Variants in DLG2 observed in about 807,000 individuals in gnomAD.
DLG2 encodes the protein disks large homolog 2.
In DLG2, 45 loss-of-function variants were observed where a neutral mutation model predicts 132.5. The ratio of observed to expected loss-of-function variants is 0.34; its 90% CI spans 0.27 to 0.44. The LOEUF (loss-of-function observed/expected upper bound fraction) is 0.44. Among genes scored for constraint, DLG2 ranks in the 20% least tolerant of loss-of-function variants. The pLI, the probability that DLG2 is intolerant of heterozygous loss-of-function variation, is 1.00. For synonymous variants in DLG2, 424 were observed against 419.6 expected (o/e 1.01, Z -0.13); for missense variants, 1,045 against 1,196.9 (o/e 0.87, Z 1.87).
chr11:84,082,747 C>A (rs1368542805), intron 10 of DLG2, among the ~76,000 whole-genome samples: 1 of 152,126 alleles, frequency 6.6e-6, no homozygotes, highest in African/African-American at 2.4e-5. Context: ...AATTTTGTCT[C>A]AGACACCTGT....
At chr11:84,638,879 A>T (rs931338958) in intron 6 of DLG2, among the ~76,000 whole-genome samples, 1 of 152,208 alleles carries the variant, frequency 6.6e-6, no homozygotes, top group Non-Finnish European at 1.5e-5. Flanking sequence ...GTAACAATTC[A>T]TACCTTCATT....
intron 5 of DLG2, among the ~76,000 whole-genome samples, chr11:85,124,679 C>G (rs1415911069): frequency 6.6e-6 from 1 of 152,210 alleles, no homozygotes; most frequent in East Asian, 1.9e-4. Flanking sequence ...ACAGGTCCCT[C>G]AGGTAGCTAT....
chr11:85,337,823 T>C (rs982188012), intron 3 of DLG2, among the ~76,000 whole-genome samples: 7 of 152,208 alleles, frequency 4.6e-5, no homozygotes, highest in African/African-American at 1.7e-4. Context: ...GAAGCATTGG[T>C]GTATTGAAGA....
intron 6 of DLG2, among the ~76,000 whole-genome samples, chr11:84,647,323 A>G (rs1194371836): frequency 6.6e-6 from 1 of 152,150 alleles, no homozygotes; most frequent in African/African-American, 2.4e-5. Context: ...CTCTAGACCT[A>G]TCGTTACAAT....
At chr11:84,499,588 C>T (rs1328880129) in intron 7 of DLG2, among the ~76,000 whole-genome samples, 4 of 152,138 alleles carry the variant, frequency 2.6e-5, no homozygotes, top group African/African-American at 4.8e-5. Flanking sequence ...TTTACTGGCT[C>T]AAATATAATG....
intron 5 of DLG2, among the ~76,000 whole-genome samples, chr11:85,148,912 A>T (rs1177862812): frequency 1.3e-5 from 2 of 152,092 alleles, no homozygotes; most frequent in Admixed American, 6.6e-5. Context: ...ACCCATCTTG[A>T]GTTAATTTTT....
chr11:84,386,533 T>C (rs978156128), intron 7 of DLG2, among the ~76,000 whole-genome samples: 2 of 152,158 alleles, frequency 1.3e-5, no homozygotes, highest in African/African-American at 4.8e-5. Context: ...AATTTTAAGA[T>C]TGTTGATATT....
At chr11:85,427,938 C>T (rs528913021) in intron 3 of DLG2, among the ~76,000 whole-genome samples, 2 of 152,040 alleles carry the variant, frequency 1.3e-5, no homozygotes, top group East Asian at 3.9e-4. Context: ...GAAGATCTAC[C>T]AAGGAAATGG....
At chr11:84,363,944 G>A (rs1244444838) in intron 7 of DLG2, among the ~76,000 whole-genome samples, 1 of 152,178 alleles carries the variant, frequency 6.6e-6, no homozygotes, top group African/African-American at 2.4e-5. Context: ...CAGGTAGCAT[G>A]ATGCCTCCAG....
chr11:84,523,702 T>C (rs966938785), intron 7 of DLG2, among the ~76,000 whole-genome samples: 3 of 152,214 alleles, frequency 2.0e-5, no homozygotes, highest in Non-Finnish European at 2.9e-5. Flanking sequence ...TGAGTGTTAG[T>C]ACATTATTTC....
At chr11:84,540,423 C>T (rs1335805413) in intron 6 of DLG2, among the ~76,000 whole-genome samples, 1 of 151,776 alleles carries the variant, frequency 6.6e-6, no homozygotes, top group Non-Finnish European at 1.5e-5. Flanking sequence ...ATTTATGCAG[C>T]CAACAGACAC....
intron 6 of DLG2, among the ~76,000 whole-genome samples, chr11:84,852,600 A>G (rs2082289266): frequency 6.6e-6 from 1 of 152,038 alleles, no homozygotes; most frequent in Admixed American, 6.6e-5. Context: ...ATACCAGAAA[A>G]AAAGTTCTTC....
chr11:85,399,647 C>A (rs574687379), intron 3 of DLG2, among the ~76,000 whole-genome samples: 8 of 152,264 alleles, frequency 5.3e-5, no homozygotes, highest in African/African-American at 1.9e-4. Context: ...ACGATCTGAA[C>A]TTTGACAAAC....
At chr11:84,915,096 C>T (rs965408012) in intron 6 of DLG2, among the ~76,000 whole-genome samples, 2 of 152,120 alleles carry the variant, frequency 1.3e-5, no homozygotes, top group African/African-American at 4.8e-5. Context: ...TGTAATTCAT[C>T]ATCTTTTCAT....
At chr11:84,910,215 C>T (rs1428597947) in intron 6 of DLG2, among the ~76,000 whole-genome samples, 3 of 152,154 alleles carry the variant, frequency 2.0e-5, no homozygotes, top group Non-Finnish European at 4.4e-5. Context: ...GCCTCTACTG[C>T]TCCAATCATT....
intron 18 of DLG2, among the ~76,000 whole-genome samples, chr11:83,771,858 T>C (rs921363557): frequency 5.9e-5 from 9 of 152,214 alleles, no homozygotes; most frequent in Non-Finnish European, 1.2e-4. Context: ...AAACGGATTA[T>C]AAATATCTTT....
chr11:85,387,505 T>C (rs286025), intron 3 of DLG2, among the ~76,000 whole-genome samples: 149,879 of 152,318 alleles, frequency 0.98, 73,745 homozygotes, highest in East Asian at 1. Flanking sequence ...AAAGTAAGTT[T>C]GAGGAAGGGC....
At chr11:84,519,880 T>C (rs1022836121) in intron 7 of DLG2, among the ~76,000 whole-genome samples, 1 of 152,208 alleles carries the variant, frequency 6.6e-6, no homozygotes, top group Non-Finnish European at 1.5e-5. Context: ...GTAATTCATA[T>C]CATTTCTGAA....
intron 18 of DLG2, among the ~76,000 whole-genome samples, chr11:83,681,427 A>C (rs1297616324): frequency 1.3e-5 from 2 of 152,186 alleles, no homozygotes; most frequent in Non-Finnish European, 2.9e-5. Flanking sequence ...GAAACTAGAG[A>C]AAACAGCCAG....
Sources: allele counts gnomAD v4.1 joint callset (sites outside exome capture counted in the v4.1 genomes callset), GRCh38; gene constraint gnomAD v4.1.1; transcripts MANE v1.5; gene names NCBI Gene and HGNC (gene_info 2026-07-23, HGNC 2026-07-21).